ELL2: variants seen among roughly 807,000 people sequenced by gnomAD.
ELL2 encodes elongation factor for RNA polymerase II 2, also known as RNA polymerase II elongation factor ELL2.
In ELL2, 21 loss-of-function variants were observed where a neutral mutation model predicts 72.8. That is an observed-to-expected ratio of 0.29 (90% CI 0.20 to 0.42). The LOEUF is 0.42. ELL2 is among the 10% of genes least tolerant of loss of function. ELL2 has a pLI of 1.00. For missense variants in ELL2, 568 were observed against 772.8 expected, an observed-to-expected ratio of 0.73 and a Z score of 3.14; for synonymous variants, 266 against 283.2, an observed-to-expected ratio of 0.94 and a Z score of 0.61.
intron 2 of ELL2, among the ~76,000 whole-genome samples, chr5:95,942,292 C>T (rs1056626384): frequency 6.6e-6 from 1 of 151,974 alleles, no homozygotes; most frequent in Non-Finnish European, 1.5e-5. Context: ...CATTTTATAG[C>T]TAATATATAG....
rs542245415 is a variant in ELL2 at position 95,954,683 on chromosome 5, G to A, written c.147+6892C>T. Among the ~76,000 whole-genome samples, 5 of 141,480 alleles carry A rather than the reference G, an allele frequency of 3.5e-5. No homozygotes were observed. The East Asian group carries it at 6.4e-4, about 18-fold the overall frequency. 92.8% of individuals were successfully genotyped at this position (141,480 alleles called of 152,430 possible). A position where few individuals can be genotyped will look rare whatever the true frequency, so the allele number is the denominator to read the frequency against. On this transcript the variant is annotated intron_variant, in intron 1 of 11. Transcript: ENST00000237853. Reference sequence around the variant, plus strand: ...TCTCGATTTCCTGACCTCGTGATGCGCCCGCCTAGGCCTCCCAAAGTGCTG... The same window carrying A: ...TCTCGATTTCCTGACCTCGTGATGCACCCGCCTAGGCCTCCCAAAGTGCTG...
Position 95,927,408 on chromosome 5 carries a change from C to CGT in ELL2, c.196-7865_196-7864dup, listed in dbSNP as rs1554077278. 3.8e-3 allele frequency among the ~76,000 whole-genome samples: 97 copies of CGT among 25,492 alleles called. 17 individuals carry two copies. The highest frequency in any genetic ancestry group is 5.9e-3 in the Non-Finnish European group (82 of 13,982). 16.7% of individuals were successfully genotyped at this position (25,492 alleles called of 152,430 possible). ...GTGTGTATATATAGACATACACACA[C>CGT]GTGTGTATATAGACATACACACACA... is the stretch of plus-strand genomic sequence containing the variant. On this transcript the variant is annotated intron_variant, in intron 2 of 11. Transcript: ENST00000237853.
intron 10 of ELL2, 116 bp from the exon 11 acceptor site, chr5:95,889,246 T>G: frequency 1.2e-6 from 1 of 847,870 alleles, no homozygotes. Context: ...GGAATGTAAC[T>G]TGAAACAATC....
intron 4 of ELL2, among the ~76,000 whole-genome samples, chr5:95,912,098 G>A (rs1749625665): frequency 6.6e-6 from 1 of 152,210 alleles, no homozygotes; most frequent in Non-Finnish European, 1.5e-5. Context: ...AACCTTGCAA[G>A]TTCTAAAATT....
intron 6 of ELL2, 84 bp downstream of exon 6, chr5:95,900,872 T>A (rs1360347080): frequency 6.4e-7 from 1 of 1,559,942 alleles, no homozygotes; most frequent in African/African-American, 1.4e-5. Flanking sequence ...ACCTTAACAC[T>A]AAAATAACAA....
At chr5:95,911,692 C>T (rs575903918) in intron 4 of ELL2, among the ~76,000 whole-genome samples, 30 of 151,654 alleles carry the variant, frequency 2.0e-4, no homozygotes, top group East Asian at 7.7e-4. Context: ...AACTCTGAGG[C>T]GAAGAATTGG....
chr5:95,952,074 C>G (rs1751430594), intron 1 of ELL2, among the ~76,000 whole-genome samples: 1 of 152,018 alleles, frequency 6.6e-6, no homozygotes, highest in South Asian at 2.1e-4. Context: ...CAAAGGTAGA[C>G]TGGATTAAGA....
chr5:95,933,933 C>T (rs1321333400), intron 2 of ELL2, among the ~76,000 whole-genome samples: 1 of 152,012 alleles, frequency 6.6e-6, no homozygotes, highest in African/African-American at 2.4e-5. Context: ...AAACACAAAA[C>T]ATCAAGCATC....
rs370001465 is a variant in ELL2 at position 95,906,674 on chromosome 5, C to T, written c.590G>A (p.Ser197Asn). Residue 197 changes from serine to asparagine, a missense_variant, in exon 5 of 12, where the codon AGC becomes AAC. Coordinates refer to ENST00000237853, the MANE Select transcript of ELL2 (RefSeq NM_012081.6). Reference protein sequence around the residue: ...NPANTIRKTHSSSTISQRPYR... With the variant: ...NPANTIRKTHNSSTISQRPYR... Reference sequence around the variant, plus strand: ...TGGCCTCTGAGAGATGGTGCTGCTGCTATGTGTCTTTCGAATTGTATTTGC... The same window carrying T: ...TGGCCTCTGAGAGATGGTGCTGCTGTTATGTGTCTTTCGAATTGTATTTGC... 4 of 1,614,084 alleles carry T rather than the reference C, an allele frequency of 2.5e-6. No homozygotes were observed. The highest frequency in any genetic ancestry group is 1.6e-4 in the Middle Eastern group (1 of 6,062).
chr5:95,941,324 T>A (rs1750960738), intron 2 of ELL2, among the ~76,000 whole-genome samples: 1 of 152,152 alleles, frequency 6.6e-6, no homozygotes, highest in South Asian at 2.1e-4. Context: ...TGAGGGCACT[T>A]GGACACATGG....
intron 4 of ELL2, among the ~76,000 whole-genome samples, chr5:95,912,498 C>T (rs1486886277): frequency 6.6e-6 from 1 of 151,974 alleles, no homozygotes; most frequent in African/African-American, 2.4e-5. Context: ...TGTGGTAGAT[C>T]TTGTGTGTTT....
chr5:95,918,508 G>C (rs1749917242), intron 3 of ELL2, among the ~76,000 whole-genome samples: 1 of 152,116 alleles, frequency 6.6e-6, no homozygotes, highest in Non-Finnish European at 1.5e-5. Context: ...AACTCTGTCA[G>C]TGTCTTATTT....
chr5:95,910,591 A>G lies in ELL2; in HGVS notation c.481+3180T>C, dbSNP rs530941946. On this transcript the variant is annotated intron_variant, in intron 4 of 11. Coordinates refer to ENST00000237853, the MANE Select transcript of ELL2 (RefSeq NM_012081.6). ...AAATAGATTTTGGTTTCTTCTGCCC[A>G]CGAGAGGGTTGCAGAAACTCATATT... Among the ~76,000 whole-genome samples, 114 of 152,186 alleles carry G rather than the reference A, an allele frequency of 7.5e-4. 1 individual carries two copies. The highest frequency in any genetic ancestry group is 2.1e-3 in the African/African-American group (89 of 41,490).
Position 95,924,536 on chromosome 5 carries a change from T to C in ELL2, c.196-4991A>G, listed in dbSNP as rs929039259. On this transcript the variant is annotated intron_variant, in intron 2 of 11. Transcript: ENST00000237853. ...GGACTCACAATCTTGAATTTTTAGC[T>C]AAATGCCTTAAGAATAAAATATTAT... is the stretch of plus-strand genomic sequence containing the variant. 2.6e-5 allele frequency among the ~76,000 whole-genome samples: 4 copies of C among 152,346 alleles called. No individual in the cohort carries two copies. In the East Asian group the frequency reaches 7.7e-4, roughly 29 times the overall value.
intron 1 of ELL2, among the ~76,000 whole-genome samples, chr5:95,945,646 G>C (rs1751128910): frequency 6.6e-6 from 1 of 152,220 alleles, no homozygotes; most frequent in Non-Finnish European, 1.5e-5. Context: ...AAAAAGGACA[G>C]TACGGGTTAG....
At chr5:95,892,677 T>C (rs1748711044) in intron 9 of ELL2, among the ~76,000 whole-genome samples, 1 of 152,192 alleles carries the variant, frequency 6.6e-6, no homozygotes, top group African/African-American at 2.4e-5. Flanking sequence ...AGTTCAGTCC[T>C]CTCCAAATGG....
intron 2 of ELL2, among the ~76,000 whole-genome samples, chr5:95,941,244 C>T (rs1338234909): frequency 6.6e-6 from 1 of 152,090 alleles, no homozygotes; most frequent in African/African-American, 2.4e-5. Flanking sequence ...ATCTAAATTG[C>T]TTCCATCAGT....
chr5:95,927,472 G>T (rs527371930), intron 2 of ELL2, among the ~76,000 whole-genome samples: 1 of 30,110 alleles, frequency 3.3e-5, no homozygotes, highest in African/African-American at 3.6e-4. Context: ...TGTGTATATA[G>T]ACATACACAC....
chr5:95,898,950 A>T (rs1373328719), intron 7 of ELL2, 140 bp from the exon 8 acceptor site: 2 of 571,156 alleles, frequency 3.5e-6, no homozygotes, highest in Non-Finnish European at 5.4e-6. Flanking sequence ...CGCTTTCTTC[A>T]TGCTTAAGCA....
Sources: gnomAD v4.1 joint callset for allele counts (sites outside exome capture counted in the v4.1 genomes callset) on GRCh38, gnomAD v4.1.1 for gene constraint, MANE v1.5 for transcripts, NCBI Gene and HGNC (gene_info 2026-07-23, HGNC 2026-07-21) for gene names.